Variants in FBLN2 observed in about 807,000 individuals in gnomAD.
FBLN2 encodes the protein fibulin 2.
In FBLN2, 81 loss-of-function variants were observed where a neutral mutation model predicts 123.7. That is an observed-to-expected ratio of 0.65 (90% CI 0.55 to 0.79). The LOEUF (loss-of-function observed/expected upper bound fraction) is 0.79. Among genes scored for constraint, FBLN2 ranks in the 30% least tolerant of loss-of-function variants. The probability of loss-of-function intolerance (pLI) is 0.00; values close to 1 mark genes in which losing one functional copy is unlikely to be tolerated. For synonymous variants in FBLN2, 699 were observed against 701.4 expected (o/e 1.00, Z 0.05); for missense variants, 1,603 against 1,681.3 (o/e 0.95, Z 0.81).
chr3:13,616,306 TG>T (rs1705601091), intron 5 of FBLN2, among the ~76,000 whole-genome samples: 1 of 151,852 alleles, frequency 6.6e-6, no homozygotes, highest in Non-Finnish European at 1.5e-5. Context: ...CAAAGGCAGG[TG>T]GGTGGAAGGG....
intron 9 of FBLN2, among the ~76,000 whole-genome samples, chr3:13,626,035 C>T (rs548626780): frequency 6.6e-6 from 1 of 152,226 alleles, no homozygotes; most frequent in South Asian, 2.1e-4. Context: ...AGAATCCATC[C>T]CTGACCCATC....
intron 1 of FBLN2, among the ~76,000 whole-genome samples, chr3:13,566,213 G>A (rs1440335853): frequency 1.3e-5 from 2 of 152,204 alleles, no homozygotes; most frequent in Admixed American, 6.5e-5. Context: ...AGGGGTGGGA[G>A]CTGTCTGCAG....
At chr3:13,630,005 C>A in intron 14 of FBLN2, 60 bp downstream of exon 14, 2 of 1,592,020 alleles carry the variant, frequency 1.3e-6, no homozygotes, top group East Asian at 2.3e-5. Context: ...GCAGACCCGC[C>A]GTGGAAGGCC....
In FBLN2 at chr3:13,557,416, C is replaced by T. The variant is rs181686432; in HGVS notation, c.-42+8208C>T. Among the ~76,000 whole-genome samples, 689 of 152,270 alleles carry T rather than the reference C, an allele frequency of 4.5e-3. 2 individuals are homozygous for T. Among genetic ancestry groups the T allele is most frequent in the South Asian group, 0.037 (176 of 4,820 alleles). ...CAGGTGATAGAAAGTACAATTTCAG[C>T]AAAAAAGTCATGGAACTAAAAAAAT... On this transcript the variant is annotated intron_variant, in intron 1 of 17. Transcript: ENST00000404922.
chr3:13,635,840 A>C (rs1438797687), intron 16 of FBLN2, among the ~76,000 whole-genome samples: 1 of 152,216 alleles, frequency 6.6e-6, no homozygotes, highest in Non-Finnish European at 1.5e-5. Flanking sequence ...GTAGAAACAT[A>C]CAAAACATGC....
intron 1 of FBLN2, among the ~76,000 whole-genome samples, chr3:13,563,861 G>A (rs1043722817): frequency 2.0e-4 from 30 of 152,176 alleles, no homozygotes; most frequent in Non-Finnish European, 3.5e-4. Flanking sequence ...ACCCTGGGGC[G>A]GGGTGGTTGG....
rs1406467561 is a variant in FBLN2, at chr3:13,570,865, C to T, written c.510C>T (p.Ile170=). The change falls in exon 2 of 18, where the codon ATC becomes ATT. Residue 170 remains isoleucine, a synonymous_variant. Coordinates refer to ENST00000404922, the MANE Select transcript of FBLN2 (RefSeq NM_001004019.2). ...GCCCTGACGCCGGTGGAGAGCTCAT[C>T]TGCTACCAGCTCCCCGGTTGCCACG... is the stretch of plus-strand genomic sequence containing the variant. The part of the protein sequence containing the change: ...CHCPDAGGEL[I]CYQLPGCHGN... The T allele has an allele frequency of 1.2e-6, 2 of 1,610,742 alleles. No homozygotes were observed. Among genetic ancestry groups the T allele is most frequent in the Admixed American group, 1.7e-5 (1 of 59,656 alleles).
intron 3 of FBLN2, among the ~76,000 whole-genome samples, chr3:13,608,646 C>A (rs1438313178): frequency 2.6e-5 from 4 of 152,160 alleles, no homozygotes. Flanking sequence ...GACTCTGATA[C>A]CACAGCAAAG....
chr3:13,609,684 CGGGG>C, intron 4 of FBLN2, 42 bp downstream of exon 4: 20 of 196,468 alleles, frequency 1.0e-4, no homozygotes, highest in Non-Finnish European at 1.3e-4. Flanking sequence ...TGGGGTGGGG[CGGGG>C]CGGGAGGCTG....
At chr3:13,634,269 T>C (rs937771334) in intron 16 of FBLN2, among the ~76,000 whole-genome samples, 2 of 152,260 alleles carry the variant, frequency 1.3e-5, no homozygotes, top group Non-Finnish European at 2.9e-5. Flanking sequence ...GAGGCTGTGA[T>C]GGCAGCCCTG....
chr3:13,636,019 A>C (rs777950061), intron 16 of FBLN2, among the ~76,000 whole-genome samples: 11 of 151,902 alleles, frequency 7.2e-5, no homozygotes, highest in Non-Finnish European at 1.2e-4. Flanking sequence ...AGAAGCCTCC[A>C]GCAGTAGGAA....
intron 2 of FBLN2, among the ~76,000 whole-genome samples, chr3:13,578,136 G>A (rs1042760936): frequency 1.3e-5 from 2 of 152,186 alleles, no homozygotes; most frequent in African/African-American, 4.8e-5. Context: ...CTAGGCCTGC[G>A]GTGGGTTTCT....
Position 13,637,957 on chromosome 3 carries a change from C to T in FBLN2, c.*38C>T. 3 of 1,516,468 alleles carry T rather than the reference C, an allele frequency of 2.0e-6. No homozygotes were observed. Among genetic ancestry groups the T allele is most frequent in the Non-Finnish European group, 2.7e-6 (3 of 1,116,852 alleles). The allele number at this position is 1,516,468 out of a possible 1,614,324, so 93.9% of individuals were successfully genotyped here. A position where few individuals can be genotyped will look rare whatever the true frequency, so the allele number is the denominator to read the frequency against. On this transcript the variant is annotated 3_prime_UTR_variant, in exon 18 of 18. Coordinates refer to ENST00000404922, the MANE Select transcript of FBLN2 (RefSeq NM_001004019.2). ...GGCCACCTGCGGGTGTGGCGCAGCCCAGGGCTCACACTGCGTGGGAGGGAC... is the reference window on the plus strand; with the variant it reads ...GGCCACCTGCGGGTGTGGCGCAGCCTAGGGCTCACACTGCGTGGGAGGGAC...
At chr3:13,584,751 T>G (rs1574961238) in intron 2 of FBLN2, among the ~76,000 whole-genome samples, 1 of 151,822 alleles carries the variant, frequency 6.6e-6, no homozygotes, top group Non-Finnish European at 1.5e-5. Context: ...GCGGGTATGG[T>G]GGTTGGGAAT....
At chr3:13,606,658 A>AT (rs58421710) in intron 2 of FBLN2, among the ~76,000 whole-genome samples, 30 of 150,798 alleles carry the variant, frequency 2.0e-4, no homozygotes, top group East Asian at 2.0e-3. Flanking sequence ...TATATACTGT[A>AT]TTTTTTTTTT....
intron 5 of FBLN2, among the ~76,000 whole-genome samples, chr3:13,617,143 A>AATCCATCCATCCATCCATCCATCC: frequency 7.4e-6 from 1 of 134,636 alleles, no homozygotes; most frequent in African/African-American, 3.7e-5. Flanking sequence ...TCCATTCATC[A>AATCCATCCATCCATCCATCCATCC]ATCCATCCAT....
chr3:13,600,272 C>A (rs1424548067), intron 2 of FBLN2, among the ~76,000 whole-genome samples: 2 of 152,072 alleles, frequency 1.3e-5, no homozygotes, highest in Admixed American at 1.3e-4. Context: ...TGGCACCTGG[C>A]AATGCTACTC....
At chr3:13,624,041 C>T (rs1439577836) in intron 9 of FBLN2, among the ~76,000 whole-genome samples, 2 of 152,208 alleles carry the variant, frequency 1.3e-5, no homozygotes, top group Non-Finnish European at 2.9e-5. Context: ...CTGTCTTGGG[C>T]ACAGGGAAAA....
chr3:13,628,760 A>G, intron 11 of FBLN2, 145 bp from the exon 12 acceptor site: 2 of 925,796 alleles, frequency 2.2e-6, no homozygotes, highest in Non-Finnish European at 3.2e-6. Flanking sequence ...AGTGGGGCAC[A>G]GGGGTAGGAC....
Sources: allele counts gnomAD v4.1 joint callset (sites outside exome capture counted in the v4.1 genomes callset), GRCh38; gene constraint gnomAD v4.1.1; transcripts MANE v1.5; gene names NCBI Gene and HGNC (gene_info 2026-07-23, HGNC 2026-07-21).